Variants in GYS2 observed in about 807,000 individuals in gnomAD.
GYS2 encodes glycogen [starch] synthase, liver.
Under a neutral mutation model 85.6 loss-of-function variants are expected in GYS2, and 80 were observed. The ratio of observed to expected loss-of-function variants is 0.93; its 90% CI spans 0.78 to 1.13. GYS2 has a LOEUF of 1.13. Ranked by LOEUF, GYS2 falls within the 50% of genes most tolerant of loss-of-function variation. The pLI is 0.00. For missense variants in GYS2, 881 were observed against 854.9 expected, an observed-to-expected ratio of 1.03 and a Z score of -0.38; for synonymous variants, 328 against 300.7, an observed-to-expected ratio of 1.09 and a Z score of -0.94.
intron 1 of GYS2, among the ~76,000 whole-genome samples, chr12:21,595,310 G>C (rs1342525427): frequency 6.6e-6 from 1 of 152,178 alleles, no homozygotes; most frequent in African/African-American, 2.4e-5. Context: ...TGCTCCTGCA[G>C]GACCCAGGAG....
At position 21,560,372 on chromosome 12, in the gene GYS2, G is replaced by A. The variant is rs1369775554; in HGVS notation, c.1169+14C>T. The A allele has an allele frequency of 7.6e-7, 1 of 1,315,502 alleles. No homozygotes were observed. Among genetic ancestry groups the A allele is most frequent in the East Asian group, 2.3e-5 (1 of 43,472 alleles). The allele number at this position is 1,315,502 out of a possible 1,614,324, so 81.5% of individuals were successfully genotyped here. A position where few individuals can be genotyped will look rare whatever the true frequency, so the allele number is the denominator to read the frequency against. On this transcript the variant is annotated intron_variant, in intron 8 of 15. Coordinates refer to ENST00000261195, the MANE Select transcript of GYS2 (RefSeq NM_021957.4). Reference sequence around the variant, plus strand: ...CATTTATTGCTAGAGAACATTCACAGGTTGTGAGATTACCACAGCTGTTTT... The same window carrying A: ...CATTTATTGCTAGAGAACATTCACAAGTTGTGAGATTACCACAGCTGTTTT...
At chr12:21,539,387 T>G (rs1214705619) in intron 14 of GYS2, 49 bp from the exon 15 acceptor site, 1 of 977,268 alleles carries the variant, frequency 1.0e-6, no homozygotes, top group African/African-American at 1.6e-5. Flanking sequence ...CTTAGATATC[T>G]CAATAATCAA....
At chr12:21,585,694 T>C (rs549668963) in intron 1 of GYS2, among the ~76,000 whole-genome samples, 38 of 152,220 alleles carry the variant, frequency 2.5e-4, no homozygotes, top group Non-Finnish European at 3.7e-4. Flanking sequence ...ACAAGGACTG[T>C]AATTGTCATG....
intron 11 of GYS2, among the ~76,000 whole-genome samples, chr12:21,549,735 G>A (rs1410773037): frequency 6.6e-6 from 1 of 152,168 alleles, no homozygotes; most frequent in African/African-American, 2.4e-5. Flanking sequence ...ATATATCACA[G>A]AAGTGGTGCT....
At chr12:21,604,151 A>T (rs1315428224) in intron 1 of GYS2, among the ~76,000 whole-genome samples, 2 of 152,144 alleles carry the variant, frequency 1.3e-5, no homozygotes, top group Non-Finnish European at 2.9e-5. Flanking sequence ...GCTGAGAAAA[A>T]TTTTAAAACA....
chr12:21,565,531 C>G (rs1345303609), intron 5 of GYS2, among the ~76,000 whole-genome samples: 4 of 146,584 alleles, frequency 2.7e-5, no homozygotes, highest in Non-Finnish European at 6.0e-5. Context: ...CTACTATATA[C>G]AAATAACCTA....
intron 1 of GYS2, among the ~76,000 whole-genome samples, chr12:21,600,106 TG>T (rs1944738969): frequency 6.6e-6 from 1 of 152,080 alleles, no homozygotes; most frequent in African/African-American, 2.4e-5. Flanking sequence ...AGCAACAAAT[TG>T]ATGGATCTTT....
chr12:21,602,176 T>C (rs1037757444), intron 1 of GYS2, among the ~76,000 whole-genome samples: 1 of 152,082 alleles, frequency 6.6e-6, no homozygotes, highest in African/African-American at 2.4e-5. Flanking sequence ...GTTTCAGAAA[T>C]CCAAGACCTT....
downstream of GYS2, chr12:21,535,140 G>A (rs541633553): frequency 6.6e-6 from 1 of 152,172 alleles, no homozygotes; most frequent in Non-Finnish European, 1.5e-5. Context: ...AATTCCATGT[G>A]CCCTATCATT....
At chr12:21,537,490 G>T in intron 15 of GYS2, 1 of 343,680 alleles carries the variant, frequency 2.9e-6, no homozygotes, top group African/African-American at 2.1e-5. Context: ...GAGGGGTCAA[G>T]TAACTTGCCC....
intron 11 of GYS2, among the ~76,000 whole-genome samples, chr12:21,554,099 C>CCTAGAAAGAATTTCCTTT (rs1944146831): frequency 6.6e-6 from 1 of 150,938 alleles, no homozygotes; most frequent in Non-Finnish European, 1.5e-5. Flanking sequence ...CATTGACTTT[C>CCTAGAAAGAATTTCCTTT]CTTTCTAGGA....
Position 21,559,718 on chromosome 12 carries a change from A to G in GYS2, c.1170-8T>C. On this transcript the variant is annotated splice_region_variant and splice_polypyrimidine_tract_variant and intron_variant, in intron 8 of 15. Coordinates refer to ENST00000261195, the MANE Select transcript of GYS2 (RefSeq NM_021957.4). Reference sequence around the variant, plus strand: ...ACAGAATGTGCAACATCCCTGTTTGAAACAGAAAGATTTATCATTTAAACA... The same window carrying G: ...ACAGAATGTGCAACATCCCTGTTTGGAACAGAAAGATTTATCATTTAAACA... 6.5e-7 allele frequency: 1 copy of G among 1,545,018 alleles called. No individual in the cohort carries two copies. The highest frequency in any genetic ancestry group is 9.0e-7 in the Non-Finnish European group (1 of 1,117,298).
At chr12:21,574,351 C>T in intron 3 of GYS2, 25 bp from the exon 4 acceptor site, 1 of 1,588,648 alleles carries the variant, frequency 6.3e-7, no homozygotes, top group South Asian at 1.1e-5. Context: ...AAAAAGCATT[C>T]AGAAAAGTTG....
At chr12:21,555,857 C>A (rs1944173051) in intron 11 of GYS2, among the ~76,000 whole-genome samples, 1 of 152,270 alleles carries the variant, frequency 6.6e-6, no homozygotes, top group Middle Eastern at 3.4e-3. Context: ...TTCTGCCCCA[C>A]CAGCAAGGGG....
At chr12:21,569,236 C>G (rs1944358575) in intron 4 of GYS2, among the ~76,000 whole-genome samples, 1 of 152,302 alleles carries the variant, frequency 6.6e-6, no homozygotes, top group Admixed American at 6.5e-5. Context: ...TGCAGTTTAA[C>G]TCCCTAAGTA....
chr12:21,600,168 G>A (rs1944739637), intron 1 of GYS2, among the ~76,000 whole-genome samples: 1 of 152,120 alleles, frequency 6.6e-6, no homozygotes, highest in Non-Finnish European at 1.5e-5. Context: ...CACCCCGGCT[G>A]GAGTGCAATG....
intron 1 of GYS2, among the ~76,000 whole-genome samples, chr12:21,598,902 C>T (rs1031216345): frequency 1.3e-5 from 2 of 152,092 alleles, no homozygotes; most frequent in African/African-American, 4.8e-5. Context: ...AGTATCACAA[C>T]TTTCACCTGA....
intron 11 of GYS2, among the ~76,000 whole-genome samples, chr12:21,556,551 G>T (rs926773045): frequency 6.6e-6 from 1 of 152,122 alleles, no homozygotes; most frequent in Non-Finnish European, 1.5e-5. Context: ...CTCCTTCAAG[G>T]TTGCCCTCAT....
downstream of GYS2, among the ~76,000 whole-genome samples, chr12:21,533,919 C>G (rs1245588891): frequency 6.6e-6 from 1 of 152,166 alleles, no homozygotes; most frequent in African/African-American, 2.4e-5. Context: ...ATAGATGGCG[C>G]TTTCTTGCTG....
Sources: allele counts gnomAD v4.1 joint callset (sites outside exome capture counted in the v4.1 genomes callset), GRCh38; gene constraint gnomAD v4.1.1; transcripts MANE v1.5; gene names NCBI Gene and HGNC (gene_info 2026-07-23, HGNC 2026-07-21).